PLEKHA7: variants seen among roughly 807,000 people sequenced by gnomAD.
PLEKHA7 encodes pleckstrin homology domain containing A7, also known as pleckstrin homology domain-containing family A member 7.
PLEKHA7 carries 104 observed loss-of-function variants against 170.0 expected under a neutral mutation model. The observed-to-expected ratio is 0.61, with a 90% CI of 0.52 to 0.72. PLEKHA7 has a LOEUF of 0.72. PLEKHA7 is among the 30% of genes least tolerant of loss of function. The pLI, the probability that PLEKHA7 is intolerant of heterozygous loss-of-function variation, is 0.00. For missense variants in PLEKHA7, 1,615 were observed against 1,671.7 expected, an observed-to-expected ratio of 0.97 and a Z score of 0.59; for synonymous variants, 648 against 660.8, an observed-to-expected ratio of 0.98 and a Z score of 0.30.
Position 16,826,155 on chromosome 11 carries a change from C to T in PLEKHA7, c.1308G>A (p.Glu436=), listed in dbSNP as rs374142300. 3 of 1,614,248 alleles carry T rather than the reference C, an allele frequency of 1.9e-6. No individual in the cohort carries two copies. The highest frequency in any genetic ancestry group is 2.7e-5 in the African/African-American group (2 of 75,072). The change falls in exon 10 of 27, where the codon GAG becomes GAA. Residue 436 remains glutamate, a synonymous_variant. Transcript: ENST00000531066. ...CCCCTTTCTGGGCCCTTGCCCAGTG[C>T]TCCACCTGGGCCAGATTGCTCTTCC... The part of the protein sequence containing the change: ...SQRKSNLAQV[E]HWARAQKGDS...
chr11:16,990,287 A>AAAAAAAAAAAAACC (rs1554992440), intron 3 of PLEKHA7, among the ~76,000 whole-genome samples: 26,144 of 110,258 alleles, frequency 0.24, 4,125 homozygotes, highest in East Asian at 0.33. Context: ...AAAAAAAAAA[A>AAAAAAAAAAAAACC]AAAAAAAAAA....
At chr11:16,870,952 C>A (rs1854786691) in intron 4 of PLEKHA7, 147 bp downstream of exon 4, 2 of 532,906 alleles carry the variant, frequency 3.8e-6, no homozygotes, top group Admixed American at 3.1e-5. Flanking sequence ...AAATAAAATT[C>A]TTCTCATATT....
chr11:16,840,828 A>G (rs1399963030), intron 9 of PLEKHA7, among the ~76,000 whole-genome samples: 1 of 152,174 alleles, frequency 6.6e-6, no homozygotes, highest in East Asian at 1.9e-4. Flanking sequence ...AAAACCACAT[A>G]TATGTGAAGT....
intron 4 of PLEKHA7, among the ~76,000 whole-genome samples, chr11:16,856,170 C>CCTGCTGTTGTCTGGAAGTCCCCACATT (rs1366602754): frequency 2.0e-5 from 3 of 152,154 alleles, no homozygotes; most frequent in Non-Finnish European, 2.9e-5. Context: ...GACTGTCATC[C>CCTGCTGTTGTCTGGAAGTCCCCACATT]CTGCTGTTGT....
At chr11:16,981,008 C>G (rs758067339) in intron 3 of PLEKHA7, among the ~76,000 whole-genome samples, 18 of 152,148 alleles carry the variant, frequency 1.2e-4, no homozygotes, top group Non-Finnish European at 2.6e-4. Context: ...CCTTTGATAC[C>G]TTCAATAAAC....
chr11:16,975,919 G>A (rs1863032926), intron 3 of PLEKHA7, among the ~76,000 whole-genome samples: 1 of 152,244 alleles, frequency 6.6e-6, no homozygotes, highest in African/African-American at 2.4e-5. Context: ...AAAGTATTGT[G>A]TGTGGGTCCC....
chr11:16,904,171 T>C (rs962067222), intron 3 of PLEKHA7, among the ~76,000 whole-genome samples: 6 of 152,224 alleles, frequency 3.9e-5, no homozygotes, highest in African/African-American at 1.4e-4. Context: ...CGTGCTATCA[T>C]TTATTGAAAT....
intron 17 of PLEKHA7, among the ~76,000 whole-genome samples, chr11:16,800,105 G>T (rs905336188): frequency 2.0e-5 from 3 of 152,176 alleles, no homozygotes; most frequent in African/African-American, 7.2e-5. Flanking sequence ...GCCCAGCAAG[G>T]TGCCTCATAC....
At chr11:16,978,028 G>A (rs142988648) in intron 3 of PLEKHA7, among the ~76,000 whole-genome samples, 1 of 152,166 alleles carries the variant, frequency 6.6e-6, no homozygotes, top group East Asian at 1.9e-4. Context: ...AAAATCGGTT[G>A]GACAGCAGGC....
At chr11:17,005,503 G>C (rs1207827037) in intron 3 of PLEKHA7, among the ~76,000 whole-genome samples, 1 of 152,162 alleles carries the variant, frequency 6.6e-6, no homozygotes, top group Non-Finnish European at 1.5e-5. Context: ...CTGCAGTCTA[G>C]CCTAGGTGAC....
Position 16,783,731 on chromosome 11 carries a change from C to T in PLEKHA7, c.3619G>A (p.Glu1207Lys), listed in dbSNP as rs1413206157. The T allele has an allele frequency of 2.0e-6, 3 of 1,490,206 alleles. No individual in the cohort carries two copies. Among genetic ancestry groups the T allele is most frequent in the Non-Finnish European group, 2.7e-6 (3 of 1,124,858 alleles). The allele number at this position is 1,490,206 out of a possible 1,614,324, so 92.3% of individuals were successfully genotyped here. The change falls in exon 25 of 27, where the codon GAG becomes AAG. Residue 1207 changes from glutamate to lysine, a missense_variant. Transcript: ENST00000531066. The stretch of plus-strand genomic sequence containing the variant: ...CGGGCGAGGATGTTGCGGATCTTCT[C>T]GGCTTTGCGGTACCGCGCCTGCAGC... ...EELQARYRKA[E>K]KIRNILARSS...
chr11:16,806,517 C>G (rs1321614205), intron 13 of PLEKHA7, among the ~76,000 whole-genome samples: 3 of 152,186 alleles, frequency 2.0e-5, no homozygotes, highest in Non-Finnish European at 4.4e-5. Flanking sequence ...TCCCCTCCAC[C>G]ACATCCCAAC....
At chr11:16,940,988 T>C (rs948020952) in intron 3 of PLEKHA7, among the ~76,000 whole-genome samples, 1 of 152,110 alleles carries the variant, frequency 6.6e-6, no homozygotes, top group South Asian at 2.1e-4. Context: ...ACTCTCTGGA[T>C]AAACGATTCA....
chr11:16,837,383 T>C (rs990590275), intron 9 of PLEKHA7, among the ~76,000 whole-genome samples: 1 of 152,186 alleles, frequency 6.6e-6, no homozygotes, highest in African/African-American at 2.4e-5. Flanking sequence ...TTTTTTCCTA[T>C]AAAGTTCAAT....
intron 3 of PLEKHA7, among the ~76,000 whole-genome samples, chr11:16,916,692 G>A (rs1342645543): frequency 6.6e-6 from 1 of 152,166 alleles, no homozygotes; most frequent in Non-Finnish European, 1.5e-5. Context: ...CACAGAGACT[G>A]CACCAATTTA....
At chr11:16,938,206 G>C (rs1448324001) in intron 3 of PLEKHA7, among the ~76,000 whole-genome samples, 1 of 152,082 alleles carries the variant, frequency 6.6e-6, no homozygotes, top group South Asian at 2.1e-4. Flanking sequence ...TAAGGTTAAG[G>C]GGTTGAGATG....
chr11:16,878,856 T>G (rs982718156), intron 3 of PLEKHA7, among the ~76,000 whole-genome samples: 2 of 152,176 alleles, frequency 1.3e-5, no homozygotes, highest in East Asian at 3.8e-4. Flanking sequence ...CAGAAGGCAG[T>G]TGGCTTCTAT....
chr11:16,874,848 C>A lies in PLEKHA7; in HGVS notation c.222-3666G>T, dbSNP rs138184563. 9.4e-3 allele frequency among the ~76,000 whole-genome samples: 1,430 copies of A among 152,260 alleles called. 8 individuals carry two copies. The highest frequency in any genetic ancestry group is 0.012 in the Non-Finnish European group (843 of 68,022). On this transcript the variant is annotated intron_variant, in intron 3 of 26. Transcript: ENST00000531066. ...TGGCAGATGAGGTTAAAGAGCAAAT[C>A]TTCTATGTGCCTGGGGCAGATCCAG...
intron 3 of PLEKHA7, among the ~76,000 whole-genome samples, chr11:16,873,042 G>A (rs1041615016): frequency 1.3e-5 from 2 of 151,854 alleles, no homozygotes; most frequent in African/African-American, 4.8e-5. Flanking sequence ...ATTTTTCCTT[G>A]GGTTAAAGTC....
Sources: gnomAD v4.1 joint callset for allele counts (sites outside exome capture counted in the v4.1 genomes callset) on GRCh38, gnomAD v4.1.1 for gene constraint, MANE v1.5 for transcripts, NCBI Gene and HGNC (gene_info 2026-07-23, HGNC 2026-07-21) for gene names.